Variants in PRKAA2 observed in about 807,000 individuals in gnomAD.
PRKAA2 encodes the protein protein kinase AMP-activated catalytic subunit alpha 2.
PRKAA2 carries 40 observed loss-of-function variants against 56.3 expected under a neutral mutation model. The observed-to-expected ratio is 0.71, with a 90% CI of 0.55 to 0.92. PRKAA2 has a LOEUF of 0.92. Ranked by LOEUF, PRKAA2 falls within the 40% of genes least tolerant of loss-of-function variation. The pLI, the probability that PRKAA2 is intolerant of heterozygous loss-of-function variation, is 0.00. For synonymous variants in PRKAA2, 214 were observed against 234.2 expected (o/e 0.91, Z 0.79); for missense variants, 542 against 686.9 (o/e 0.79, Z 2.36).
chr1:56,699,654 G>A (rs11589368), intron 6 of PRKAA2, among the ~76,000 whole-genome samples: 56,490 of 151,942 alleles, frequency 0.37, 11,433 homozygotes, highest in Middle Eastern at 0.52. Context: ...ATAATTCACT[G>A]GCTTTTAGTG....
intron 1 of PRKAA2, among the ~76,000 whole-genome samples, chr1:56,648,594 C>G (rs760115708): frequency 6.6e-6 from 1 of 152,108 alleles, no homozygotes; most frequent in South Asian, 2.1e-4. Context: ...TGGGTCATAT[C>G]GTAGTTTTAT....
intron 5 of PRKAA2, among the ~76,000 whole-genome samples, 171 bp from the exon 6 acceptor site, chr1:56,695,764 A>G (rs1168663411): frequency 6.6e-6 from 1 of 152,030 alleles, no homozygotes; most frequent in Non-Finnish European, 1.5e-5. Context: ...GGCTAGCCCC[A>G]TTACTCTCTT....
chr1:56,650,543 G>T (rs941618850), intron 1 of PRKAA2, among the ~76,000 whole-genome samples: 17 of 152,114 alleles, frequency 1.1e-4, no homozygotes, highest in African/African-American at 4.1e-4. Context: ...GTTATATAAA[G>T]ACTGATTGAA....
At chr1:56,651,270 A>G (rs539026634) in intron 1 of PRKAA2, among the ~76,000 whole-genome samples, 1 of 152,352 alleles carries the variant, frequency 6.6e-6, no homozygotes, top group African/African-American at 2.4e-5. Flanking sequence ...AACAGGGGAA[A>G]AGGAAACATA....
chr1:56,649,558 A>T (rs1272593177), intron 1 of PRKAA2, among the ~76,000 whole-genome samples: 1 of 152,162 alleles, frequency 6.6e-6, no homozygotes, highest in Non-Finnish European at 1.5e-5. Flanking sequence ...AGATAGATAG[A>T]TAGTTAGATA....
rs2100450008 is a variant in PRKAA2, at chr1:56,714,608, CCTT to C, written c.*6896_*6898del. On this transcript the variant is annotated 3_prime_UTR_variant, in exon 9 of 9. Transcript: ENST00000371244. Reference sequence around the variant, plus strand: ...TCTCTTAAAATGTTGGCTGAAGCTGCCTTAATGTACCAAAATACAGCTCTCAAG... The same window carrying C: ...TCTCTTAAAATGTTGGCTGAAGCTGCAATGTACCAAAATACAGCTCTCAAG... 6.6e-6 allele frequency: 1 copy of C among 152,200 alleles called. No individual in the cohort carries two copies. Among genetic ancestry groups the C allele is most frequent in the African/African-American group, 2.4e-5 (1 of 41,560 alleles). 9.4% of individuals were successfully genotyped at this position (152,200 alleles called of 1,614,324 possible). A position where few individuals can be genotyped will look rare whatever the true frequency, so the allele number is the denominator to read the frequency against.
intron 1 of PRKAA2, among the ~76,000 whole-genome samples, chr1:56,656,902 C>G (rs539367568): frequency 5.5e-4 from 84 of 152,240 alleles, no homozygotes; most frequent in Non-Finnish European, 6.0e-4. Flanking sequence ...ATCTTGAATC[C>G]AAGACCACTG....
In PRKAA2 at chr1:56,655,280, A is replaced by ATATATATATATTTTTTTT; in HGVS notation, c.94+9800_94+9801insATATATATATTTTTTTTT. Among the ~76,000 whole-genome samples, 166 of 93,612 alleles carry ATATATATATATTTTTTTT rather than the reference A, an allele frequency of 1.8e-3. 3 individuals carry two copies. The highest frequency in any genetic ancestry group is 7.0e-3 in the African/African-American group (154 of 22,008). The allele number at this position is 93,612 out of a possible 152,430, so 61.4% of individuals were successfully genotyped here. On this transcript the variant is annotated intron_variant, in intron 1 of 8. Coordinates refer to ENST00000371244, the MANE Select transcript of PRKAA2 (RefSeq NM_006252.4). ...TGTATTTATATATCTATATATATAT[A>ATATATATATATTTTTTTT]TTTTTTTTTTTTTTTTGTAGAGACA...
intron 1 of PRKAA2, among the ~76,000 whole-genome samples, chr1:56,666,017 A>G (rs1236945303): frequency 1.3e-5 from 2 of 152,184 alleles, no homozygotes; most frequent in African/African-American, 4.8e-5. Flanking sequence ...TATATAGATA[A>G]TAACTCTCTT....
At chr1:56,669,639 T>C (rs1214112500) in intron 1 of PRKAA2, among the ~76,000 whole-genome samples, 1 of 151,952 alleles carries the variant, frequency 6.6e-6, no homozygotes, top group Non-Finnish European at 1.5e-5. Flanking sequence ...TTCCTGACAA[T>C]AGGCGAAGAC....
intron 2 of PRKAA2, among the ~76,000 whole-genome samples, chr1:56,684,047 G>A (rs956840133): frequency 5.3e-5 from 8 of 152,154 alleles, no homozygotes; most frequent in Admixed American, 5.2e-4. Context: ...TAGTGTAGTA[G>A]TGTTTAGAAG....
At position 56,711,569 on chromosome 1, in the gene PRKAA2, A is replaced by G. The variant is rs535100353; in HGVS notation, c.*3856A>G. On this transcript the variant is annotated 3_prime_UTR_variant, in exon 9 of 9. Transcript: ENST00000371244. ...TTTGTTTATTTGTTTTTAAGACCCA[A>G]ACCTTTTCAATCTTGCATTTATTTA... The G allele has an allele frequency of 1.3e-5, 2 of 152,222 alleles. No individual in the cohort carries two copies. The highest frequency in any genetic ancestry group is 1.3e-4 in the Admixed American group (2 of 15,274). 9.4% of individuals were successfully genotyped at this position (152,222 alleles called of 1,614,324 possible).
At chr1:56,676,385 C>T (rs749489776) in intron 2 of PRKAA2, among the ~76,000 whole-genome samples, 1 of 152,100 alleles carries the variant, frequency 6.6e-6, no homozygotes, top group Admixed American at 6.6e-5. Flanking sequence ...GAGAAGGACT[C>T]AACTGGCCGT....
intron 1 of PRKAA2, among the ~76,000 whole-genome samples, chr1:56,655,736 C>T (rs1643936697): frequency 6.6e-6 from 1 of 152,096 alleles, no homozygotes; most frequent in Non-Finnish European, 1.5e-5. Context: ...GAGTTTGAGT[C>T]TTGTGAGGCA....
At position 56,707,909 on chromosome 1, in the gene PRKAA2, A is replaced by G. The variant is rs1644343232; in HGVS notation, c.*196A>G. 2 of 608,902 alleles carry G rather than the reference A, an allele frequency of 3.3e-6. No homozygotes were observed. Among genetic ancestry groups the G allele is most frequent in the African/African-American group, 1.8e-5 (1 of 54,122 alleles). 37.7% of individuals were successfully genotyped at this position (608,902 alleles called of 1,614,324 possible). The stretch of plus-strand genomic sequence containing the variant: ...TTTACTTGTAGAAATCTGTAATTCT[A>G]TTGTGCCTATGATAAATTCACATAG... On this transcript the variant is annotated 3_prime_UTR_variant, in exon 9 of 9. Coordinates refer to ENST00000371244, the MANE Select transcript of PRKAA2 (RefSeq NM_006252.4).
chr1:56,658,389 A>G (rs900073226), intron 1 of PRKAA2, among the ~76,000 whole-genome samples: 2 of 152,180 alleles, frequency 1.3e-5, no homozygotes, highest in African/African-American at 4.8e-5. Flanking sequence ...CAAAAAGAAA[A>G]TAGACACATA....
intron 5 of PRKAA2, among the ~76,000 whole-genome samples, chr1:56,694,866 A>T (rs1644248706): frequency 6.6e-6 from 1 of 152,118 alleles, no homozygotes; most frequent in Non-Finnish European, 1.5e-5. Context: ...AACAATCACC[A>T]TTTTTTATAT....
intron 1 of PRKAA2, among the ~76,000 whole-genome samples, chr1:56,663,330 C>G (rs1476050347): frequency 6.6e-6 from 1 of 152,156 alleles, no homozygotes; most frequent in Non-Finnish European, 1.5e-5. Flanking sequence ...TCAAGCGATC[C>G]TCTCGCCCCT....
At position 56,692,407 on chromosome 1, in the gene PRKAA2, T is replaced by C; in HGVS notation, c.380T>C (p.Val127Ala). 1 of 1,613,966 alleles carries C rather than the reference T, an allele frequency of 6.2e-7. No homozygotes were observed. ...CTCTTTCAGCAGATTCTGTCTGCTG[T>C]GGATTACTGTCATAGGCATATGGTT... is the stretch of plus-strand genomic sequence containing the variant. ...RRLFQQILSAVDYCHRHMVVH... is the reference protein window; with the variant it reads ...RRLFQQILSAADYCHRHMVVH... Residue 127 changes from valine (V) to alanine (A), a missense_variant, in exon 4 of 9, where the codon GTG (valine) becomes GCG (alanine). Transcript: ENST00000371244.
Sources: gnomAD v4.1 joint callset for allele counts (sites outside exome capture counted in the v4.1 genomes callset) on GRCh38, gnomAD v4.1.1 for gene constraint, MANE v1.5 for transcripts, NCBI Gene and HGNC (gene_info 2026-07-23, HGNC 2026-07-21) for gene names.